Variants in CHRM5 observed in about 807,000 individuals in gnomAD.
The protein encoded by CHRM5 is cholinergic receptor muscarinic 5, also known as muscarinic acetylcholine receptor M5.
A neutral mutation model predicts 39.0 loss-of-function variants in CHRM5; 18 were observed. That is an observed-to-expected ratio of 0.46 (90% confidence interval 0.32 to 0.68). CHRM5 has a LOEUF of 0.68. Among genes scored for constraint, CHRM5 ranks in the 30% least tolerant of loss-of-function variants. The pLI is 0.04. For missense variants in CHRM5, 515 were observed against 651.1 expected, an observed-to-expected ratio of 0.79 and a Z score of 2.28; for synonymous variants, 241 against 246.3, an observed-to-expected ratio of 0.98 and a Z score of 0.20.
At position 34,064,674 on chromosome 15, in the gene CHRM5, C is replaced by A; in HGVS notation, c.*358C>A. 1 of 243,924 alleles carries A rather than the reference C, an allele frequency of 4.1e-6. No homozygotes were observed. Among genetic ancestry groups the A allele is most frequent in the Non-Finnish European group, 8.5e-6 (1 of 117,016 alleles). 15.1% of individuals were successfully genotyped at this position (243,924 alleles called of 1,614,324 possible). Reference sequence around the variant, plus strand: ...GGAAACAGCAGAGACCAGGTGGAAACCTTTTCCTGTGGAAACCTGTCATAG... The same window carrying A: ...GGAAACAGCAGAGACCAGGTGGAAAACTTTTCCTGTGGAAACCTGTCATAG... On this transcript the variant is annotated 3_prime_UTR_variant, in exon 3 of 3. Coordinates refer to ENST00000383263, the MANE Select transcript of CHRM5 (RefSeq NM_012125.4).
At chr15:34,030,551 T>C (rs1015614906) in intron 1 of CHRM5, among the ~76,000 whole-genome samples, 45 of 151,996 alleles carry the variant, frequency 3.0e-4, no homozygotes, top group Admixed American at 3.9e-4. Flanking sequence ...TTTCATTGTG[T>C]TAGGCTGACC....
chr15:33,990,215 A>C (rs574706874), intron 1 of CHRM5, among the ~76,000 whole-genome samples: 2 of 151,612 alleles, frequency 1.3e-5, no homozygotes, highest in African/African-American at 4.8e-5. Flanking sequence ...AAAAAAAACA[A>C]AACAAAACAA....
intron 1 of CHRM5, chr15:34,039,183 A>G (rs1364293948): frequency 1.4e-6 from 1 of 728,428 alleles, no homozygotes; most frequent in Non-Finnish European, 1.7e-6. Context: ...GTGCGGGGCT[A>G]GGGATCGAGG....
rs757887961 is a variant in CHRM5, at chr15:34,063,398, G to A, written c.681G>A (p.Leu227=). ...YRETEKRTKD[L]ADLQGSDSVT... ...AAACAGAGAAGCGAACCAAGGACCT[G>A]GCTGACCTCCAGGGTTCTGACTCTG... Residue 227 remains leucine, a synonymous_variant, in exon 3 of 3, where the codon CTG becomes CTA. Transcript: ENST00000383263. The surrounding 1 kb of genome is among the most constrained non-coding windows in gnomAD (Gnocchi z 4.1). The A allele has an allele frequency of 1.2e-5, 20 of 1,613,902 alleles. No individual in the cohort carries two copies. The highest frequency in any genetic ancestry group is 1.5e-5 in the Non-Finnish European group (18 of 1,180,046).
intron 1 of CHRM5, among the ~76,000 whole-genome samples, chr15:34,032,547 C>A (rs1898904306): frequency 6.6e-6 from 1 of 152,186 alleles, no homozygotes; most frequent in Non-Finnish European, 1.5e-5. Flanking sequence ...TGAATGAATT[C>A]ATGCAATGAA....
At chr15:34,038,272 T>A (rs1045625447) in intron 1 of CHRM5, among the ~76,000 whole-genome samples, 1 of 152,152 alleles carries the variant, frequency 6.6e-6, no homozygotes, top group Non-Finnish European at 1.5e-5. Context: ...ATTCTTTCAC[T>A]CAACAAACTT....
intron 1 of CHRM5, among the ~76,000 whole-genome samples, chr15:34,023,680 T>C (rs1898310232): frequency 6.6e-6 from 1 of 152,210 alleles, no homozygotes; most frequent in South Asian, 2.1e-4. Context: ...TGTAAGCCTC[T>C]GTTGCTTGCC....
Position 34,064,431 on chromosome 15 carries a change from T to C in CHRM5, c.*115T>C. ...AAGAAGACATCTCATTTTGAGTCCT[T>C]GAAGATTTTTGTAAAGGCTCAAGTT... On this transcript the variant is annotated 3_prime_UTR_variant, in exon 3 of 3. Transcript: ENST00000383263. 7.8e-7 allele frequency: 1 copy of C among 1,288,456 alleles called. No homozygotes were observed. Among genetic ancestry groups the C allele is most frequent in the Non-Finnish European group, 1.0e-6 (1 of 953,264 alleles). 79.8% of individuals were successfully genotyped at this position (1,288,456 alleles called of 1,614,324 possible).
At chr15:34,021,890 C>T (rs946601884) in intron 1 of CHRM5, among the ~76,000 whole-genome samples, 2 of 152,060 alleles carry the variant, frequency 1.3e-5, no homozygotes, top group African/African-American at 4.8e-5. Context: ...AATAAGAGCA[C>T]TTCCACATGG....
chr15:34,063,255 C>T lies in CHRM5; in HGVS notation c.538C>T (p.Leu180=). ...QYLVGKRTVP[L]DECQIQFLSE... ...CTTGGTTGGGAAGCGGACAGTTCCA[C>T]TGGATGAGTGCCAGATCCAGTTTCT... is the stretch of plus-strand genomic sequence containing the variant. The change falls in exon 3 of 3, where the codon CTG becomes TTG. Residue 180 remains leucine (L), a synonymous_variant. Coordinates refer to ENST00000383263, the MANE Select transcript of CHRM5 (RefSeq NM_012125.4). This position sits in a 1 kb window ranked among gnomAD's most constrained non-coding sequence, Gnocchi z 4.1. 1.9e-6 allele frequency: 3 copies of T among 1,614,200 alleles called. No individual in the cohort carries two copies. Among genetic ancestry groups the T allele is most frequent in the Non-Finnish European group, 2.5e-6 (3 of 1,180,046 alleles).
intron 1 of CHRM5, among the ~76,000 whole-genome samples, chr15:33,969,449 G>C (rs1248811649): frequency 2.0e-5 from 3 of 151,546 alleles, no homozygotes; most frequent in African/African-American, 7.2e-5. Flanking sequence ...AGAGAGCCCT[G>C]AATGGTGCAT....
intron 1 of CHRM5, among the ~76,000 whole-genome samples, chr15:33,987,802 G>A (rs1467591000): frequency 7.2e-5 from 11 of 152,106 alleles, no homozygotes; most frequent in Non-Finnish European, 4.4e-5. Context: ...CATAATCAGC[G>A]CTGCATGCAG....
chr15:33,988,288 A>G (rs1896564365), intron 1 of CHRM5, among the ~76,000 whole-genome samples: 1 of 152,236 alleles, frequency 6.6e-6, no homozygotes, highest in Admixed American at 6.5e-5. Context: ...ATTTTAATGA[A>G]CAGTATCAAG....
intron 1 of CHRM5, among the ~76,000 whole-genome samples, chr15:33,992,315 G>A (rs1028993290): frequency 1.3e-5 from 2 of 152,088 alleles, no homozygotes; most frequent in Non-Finnish European, 2.9e-5. Flanking sequence ...GCGTCAGCCC[G>A]GGGGGCGGAG....
chr15:34,047,141 G>C (rs1899729142), intron 2 of CHRM5, among the ~76,000 whole-genome samples: 1 of 150,462 alleles, frequency 6.6e-6, no homozygotes, highest in South Asian at 2.1e-4. Flanking sequence ...GCAGTGACAC[G>C]ATCTCGGCTC....
chr15:34,055,986 G>A (rs1200375520), intron 2 of CHRM5, among the ~76,000 whole-genome samples: 8 of 152,088 alleles, frequency 5.3e-5, no homozygotes, highest in African/African-American at 1.9e-4. Context: ...CCAAAGTGCT[G>A]GGATTACATG....
chr15:34,030,310 A>T (rs1411210584), intron 1 of CHRM5, among the ~76,000 whole-genome samples: 2 of 152,168 alleles, frequency 1.3e-5, no homozygotes, highest in Non-Finnish European at 1.5e-5. Context: ...TTCACATTGC[A>T]TGAAACTTTT....
At chr15:34,001,444 T>C (rs901593057) in intron 1 of CHRM5, among the ~76,000 whole-genome samples, 4 of 152,202 alleles carry the variant, frequency 2.6e-5, no homozygotes, top group Admixed American at 2.0e-4. Context: ...AATTTCATTG[T>C]ATTACTTCAA....
chr15:34,054,550 A>G (rs546968696), intron 2 of CHRM5, among the ~76,000 whole-genome samples: 3 of 152,312 alleles, frequency 2.0e-5, no homozygotes, highest in Non-Finnish European at 2.9e-5. Flanking sequence ...GTTGGAAGCT[A>G]TTACCCTGAG....
Sources: allele counts gnomAD v4.1 joint callset (sites outside exome capture counted in the v4.1 genomes callset), GRCh38; gene constraint gnomAD v4.1.1; non-coding constraint Gnocchi (gnomAD v3.1); transcripts MANE v1.5; gene names NCBI Gene and HGNC (gene_info 2026-07-23, HGNC 2026-07-21).